Variants in GLIS3 observed in about 807,000 individuals in gnomAD.
GLIS3 encodes the protein zinc finger protein GLIS3.
In GLIS3, 53 loss-of-function variants were observed where a neutral mutation model predicts 78.6. That is an observed-to-expected ratio of 0.67 (90% CI 0.54 to 0.85). GLIS3 has a LOEUF of 0.85. Among genes scored for constraint, GLIS3 ranks in the 40% least tolerant of loss-of-function variants. The pLI is 0.00. For synonymous variants in GLIS3, 684 were observed against 509.9 expected, an observed-to-expected ratio of 1.34 and a Z score of -4.60; for missense variants, 1,703 against 1,231.1, an observed-to-expected ratio of 1.38 and a Z score of -5.74.
Position 4,193,023 on chromosome 9 carries a change from T to A in GLIS3, c.389-67082A>T, listed in dbSNP as rs535485009. 1.6e-4 allele frequency among the ~76,000 whole-genome samples: 24 copies of A among 152,312 alleles called. 1 individual carries two copies. Among genetic ancestry groups the A allele is most frequent in the Admixed American group, 6.5e-4 (10 of 15,298 alleles). On this transcript the variant is annotated intron_variant, in intron 2 of 10. Coordinates refer to ENST00000381971, the MANE Select transcript of GLIS3 (RefSeq NM_001042413.2). ...GGACCTGTGATCATGAGGGAATCAA[T>A]AAGCCATTTTAAGTAAGGTAAGCCT... is the stretch of plus-strand genomic sequence containing the variant.
At chr9:4,238,728 G>A (rs1390577999) in intron 2 of GLIS3, among the ~76,000 whole-genome samples, 2 of 152,132 alleles carry the variant, frequency 1.3e-5, no homozygotes, top group Non-Finnish European at 2.9e-5. Context: ...CCACTATACT[G>A]TGTGCCCACT....
intron 2 of GLIS3, among the ~76,000 whole-genome samples, chr9:4,189,488 G>A (rs1818126940): frequency 6.6e-6 from 1 of 152,182 alleles, no homozygotes; most frequent in Non-Finnish European, 1.5e-5. Flanking sequence ...GTGGTGCAGA[G>A]TTCTGTAGAT....
intron 9 of GLIS3, among the ~76,000 whole-genome samples, chr9:3,836,883 T>C (rs1481194457): frequency 4.6e-5 from 7 of 152,214 alleles, no homozygotes; most frequent in Admixed American, 3.3e-4. Context: ...TGTGACCCTA[T>C]GTTAAAGGAC....
At chr9:4,382,670 T>C in the GLIS3 span, among the ~76,000 whole-genome samples, 5 of 152,116 alleles carry the variant, frequency 3.3e-5, no homozygotes, top group Admixed American at 3.3e-4. Context: ...TGTCCTAACC[T>C]CCTGAGACAA....
intron 4 of GLIS3, among the ~76,000 whole-genome samples, chr9:4,099,362 T>C (rs1830193654): frequency 1.3e-5 from 2 of 152,242 alleles, no homozygotes; most frequent in Non-Finnish European, 2.9e-5. Flanking sequence ...GCTGGCAATC[T>C]TTGGCTTGCA....
intron 9 of GLIS3, among the ~76,000 whole-genome samples, chr9:3,851,720 G>C (rs919203435): frequency 2.6e-5 from 4 of 152,202 alleles, no homozygotes; most frequent in Non-Finnish European, 5.9e-5. Flanking sequence ...CCTCTGACTT[G>C]TAACCCTTCA....
chr9:3,929,797 A>T (rs185820416), intron 6 of GLIS3, among the ~76,000 whole-genome samples: 61 of 152,292 alleles, frequency 4.0e-4, no homozygotes, highest in African/African-American at 1.5e-3. Context: ...ATTTTTGTAA[A>T]GGCTTTTTTG....
intron 1 of GLIS3, among the ~76,000 whole-genome samples, chr9:4,290,541 CTAT>C (rs1815857965): frequency 6.6e-6 from 1 of 151,890 alleles, no homozygotes; most frequent in Non-Finnish European, 1.5e-5. Flanking sequence ...AATGAAAAGC[CTAT>C]TGATAGATAA....
chr9:4,188,617 A>T (rs1244833994), intron 2 of GLIS3, among the ~76,000 whole-genome samples: 1 of 152,152 alleles, frequency 6.6e-6, no homozygotes. Flanking sequence ...CTGTGAATCC[A>T]TCTGGTCCTG....
intron 6 of GLIS3, among the ~76,000 whole-genome samples, chr9:3,911,102 T>TTCCTTCCTTCCTTCCTTCCTTTCC: frequency 6.6e-6 from 1 of 151,414 alleles, no homozygotes; most frequent in South Asian, 2.1e-4. Flanking sequence ...CCTTCCTTTC[T>TTCCTTCCTTCCTTCCTTCCTTTCC]TCCTTCCTTC....
chr9:4,273,307 C>T (rs182455282), intron 2 of GLIS3, among the ~76,000 whole-genome samples: 1 of 152,142 alleles, frequency 6.6e-6, no homozygotes, highest in Non-Finnish European at 1.5e-5. Flanking sequence ...TTAAAATGCA[C>T]TTCTGCACCA....
chr9:3,828,012 T>C lies in GLIS3; in HGVS notation c.*260A>G. 6 of 517,242 alleles carry C rather than the reference T, an allele frequency of 1.2e-5. No individual in the cohort carries two copies. Among genetic ancestry groups the C allele is most frequent in the Non-Finnish European group, 1.7e-5 (5 of 285,724 alleles). 32.0% of individuals were successfully genotyped at this position (517,242 alleles called of 1,614,324 possible). A position where few individuals can be genotyped will look rare whatever the true frequency, so the allele number is the denominator to read the frequency against. ...AGGAAGTAACAGGTATCCAGGAGAG[T>C]GAGGCTCTAAATTCCCTTTGAAAAG... On this transcript the variant is annotated 3_prime_UTR_variant, in exon 11 of 11. Coordinates refer to ENST00000381971, the MANE Select transcript of GLIS3 (RefSeq NM_001042413.2).
chr9:4,440,204 A>G, the GLIS3 span, among the ~76,000 whole-genome samples: 1 of 151,938 alleles, frequency 6.6e-6, no homozygotes, highest in Non-Finnish European at 1.5e-5. Context: ...TTGTAATCCC[A>G]TTTTTCCAAT....
chr9:4,158,688 A>G (rs1389332577), intron 2 of GLIS3, among the ~76,000 whole-genome samples: 1 of 152,254 alleles, frequency 6.6e-6, no homozygotes, highest in African/African-American at 2.4e-5. Context: ...CATATTAACC[A>G]AGGATACAAT....
chr9:3,991,846 A>G (rs905200467), intron 4 of GLIS3, among the ~76,000 whole-genome samples: 4 of 151,830 alleles, frequency 2.6e-5, no homozygotes, highest in Non-Finnish European at 4.4e-5. Flanking sequence ...GCCTGCAACC[A>G]TGCCTGGCTA....
chr9:3,839,714 G>A (rs1200306345), intron 9 of GLIS3, among the ~76,000 whole-genome samples: 1 of 152,126 alleles, frequency 6.6e-6, no homozygotes, highest in East Asian at 1.9e-4. Flanking sequence ...CTGGGGCTCA[G>A]GCTCATGACC....
chr9:4,359,242 G>A, the GLIS3 span, among the ~76,000 whole-genome samples: 1 of 151,792 alleles, frequency 6.6e-6, no homozygotes, highest in Non-Finnish European at 1.5e-5. Flanking sequence ...ATCTCCCTGA[G>A]CACTTCCTGC....
At chr9:4,277,807 T>C (rs866029969) in intron 2 of GLIS3, among the ~76,000 whole-genome samples, 3 of 152,246 alleles carry the variant, frequency 2.0e-5, no homozygotes, top group Non-Finnish European at 4.4e-5. Context: ...ATAAAGCTGA[T>C]TTCCCAGACG....
intron 1 of GLIS3, among the ~76,000 whole-genome samples, chr9:4,286,814 AC>A: frequency 6.6e-6 from 1 of 152,290 alleles, no homozygotes; most frequent in South Asian, 2.1e-4. Context: ...AGCTTGCAAA[AC>A]AAAACTTATT....
Sources: allele counts gnomAD v4.1 joint callset (sites outside exome capture counted in the v4.1 genomes callset), GRCh38; gene constraint gnomAD v4.1.1; transcripts MANE v1.5; gene names NCBI Gene and HGNC (gene_info 2026-07-23, HGNC 2026-07-21).